Variants in BMP2K observed in about 807,000 individuals in gnomAD.
BMP2K encodes the protein BMP-2-inducible protein kinase.
In BMP2K, 74 loss-of-function variants were observed where a neutral mutation model predicts 116.0. That is an observed-to-expected ratio of 0.64 (90% CI 0.53 to 0.77). The LOEUF is 0.77. BMP2K is among the 30% of genes least tolerant of loss of function. BMP2K has a pLI of 0.00. For missense variants in BMP2K, 1,365 were observed against 1,403.6 expected (o/e 0.97, Z 0.44); for synonymous variants, 486 against 502.5 (o/e 0.97, Z 0.44).
chr4:78,858,927 G>A (rs1206675010), intron 7 of BMP2K, among the ~76,000 whole-genome samples: 1 of 151,786 alleles, frequency 6.6e-6, no homozygotes, highest in Non-Finnish European at 1.5e-5. Context: ...GGTCATTTTG[G>A]TAGAAAAAAG....
chr4:78,810,727 A>C (rs148367677), intron 1 of BMP2K, among the ~76,000 whole-genome samples: 1 of 152,192 alleles, frequency 6.6e-6, no homozygotes. Context: ...CTTGAAGGCT[A>C]TCATGGAGCT....
chr4:78,896,748 T>C (rs1733724545), intron 15 of BMP2K, among the ~76,000 whole-genome samples: 1 of 152,240 alleles, frequency 6.6e-6, no homozygotes, highest in African/African-American at 2.4e-5. Flanking sequence ...TATCACAATA[T>C]TTCTTTGCTG....
chr4:78,842,375 T>C lies in BMP2K; in HGVS notation c.404-10T>C. The C allele has an allele frequency of 1.3e-6, 2 of 1,574,566 alleles. No individual in the cohort carries two copies. The highest frequency in any genetic ancestry group is 1.2e-5 in the South Asian group (1 of 86,254). Reference sequence around the variant, plus strand: ...AAAATATGTCCTCTCAAAATTACTTTTTTGGTTAGCTGGACAGGTAGTGAA... The same window carrying C: ...AAAATATGTCCTCTCAAAATTACTTCTTTGGTTAGCTGGACAGGTAGTGAA... On this transcript the variant is annotated splice_polypyrimidine_tract_variant and intron_variant, in intron 3 of 15. Transcript: ENST00000502613.
chr4:78,871,845 TGTA>T lies in BMP2K; in HGVS notation c.1510-1_1511del, dbSNP rs747646501. The T allele has an allele frequency of 1.2e-6, 2 of 1,601,108 alleles. No individual in the cohort carries two copies. The highest frequency in any genetic ancestry group is 1.7e-6 in the Non-Finnish European group (2 of 1,171,548). ...ACATTTATTAATTTGATTTTCTCGTTGTAGTATCAACATGCAACACAGCAGCAA... is the reference window on the plus strand; with the variant it reads ...ACATTTATTAATTTGATTTTCTCGTTGTATCAACATGCAACACAGCAGCAA... On this transcript the variant is annotated splice_acceptor_variant and splice_polypyrimidine_tract_variant and intron_variant, in intron 11 of 15. Transcript: ENST00000502613. LOFTEE classifies it high-confidence loss of function.
chr4:78,861,962 T>C (rs1421143836), intron 9 of BMP2K, among the ~76,000 whole-genome samples: 2 of 151,970 alleles, frequency 1.3e-5, no homozygotes, highest in African/African-American at 2.4e-5. Flanking sequence ...TTTATTATAT[T>C]AATAATAAGT....
At chr4:78,829,783 T>TTCTTTTC (rs1553915832) in intron 2 of BMP2K, among the ~76,000 whole-genome samples, 2,381 of 110,460 alleles carry the variant, frequency 0.022, 55 homozygotes, top group South Asian at 0.04. Context: ...TTCTTTTCTT[T>TTCTTTTC]TCTTTTCTCT....
At chr4:78,842,587 G>C in intron 4 of BMP2K, 60 bp downstream of exon 4, 1 of 1,436,656 alleles carries the variant, frequency 7.0e-7, no homozygotes, top group Non-Finnish European at 9.3e-7. Context: ...TGTTCTTGGA[G>C]TATTTTCATC....
At chr4:78,870,650 T>C in intron 10 of BMP2K, 133 bp from the exon 11 acceptor site, 1 of 1,206,034 alleles carries the variant, frequency 8.3e-7, no homozygotes, top group Non-Finnish European at 1.1e-6. Context: ...ACTCTATGCA[T>C]ATGGAAGTTT....
At chr4:78,893,713 C>T (rs560332473) in intron 15 of BMP2K, among the ~76,000 whole-genome samples, 2 of 152,290 alleles carry the variant, frequency 1.3e-5, no homozygotes, top group African/African-American at 2.4e-5. Context: ...TAGGCATGCA[C>T]TACAACACCT....
At chr4:78,849,789 A>C (rs1560528139) in intron 6 of BMP2K, among the ~76,000 whole-genome samples, 1 of 151,756 alleles carries the variant, frequency 6.6e-6, no homozygotes, top group Non-Finnish European at 1.5e-5. Context: ...TGAAATTTTT[A>C]GAGCTTTTGA....
At chr4:78,816,352 A>G (rs576870531) in intron 1 of BMP2K, among the ~76,000 whole-genome samples, 5 of 152,262 alleles carry the variant, frequency 3.3e-5, no homozygotes, top group African/African-American at 1.2e-4. Context: ...TGGGTACTAT[A>G]TGAATATCCT....
At chr4:78,901,451 C>T (rs1734002825) in intron 15 of BMP2K, among the ~76,000 whole-genome samples, 1 of 152,118 alleles carries the variant, frequency 6.6e-6, no homozygotes, top group Non-Finnish European at 1.5e-5. Context: ...TGCTAGTTTT[C>T]TCTTAACTGC....
At chr4:78,802,780 A>G (rs370275794) in intron 1 of BMP2K, among the ~76,000 whole-genome samples, 13 of 151,540 alleles carry the variant, frequency 8.6e-5, no homozygotes, top group South Asian at 4.2e-4. Context: ...ATTATATTCT[A>G]TAGTCCTTTG....
intron 3 of BMP2K, among the ~76,000 whole-genome samples, chr4:78,837,362 T>C (rs1730538683): frequency 6.6e-6 from 1 of 152,032 alleles, no homozygotes; most frequent in East Asian, 1.9e-4. Context: ...ATCTGACTAA[T>C]TTTTGTAATT....
chr4:78,847,136 T>TG, intron 5 of BMP2K, 52 bp from the exon 6 acceptor site: 16 of 1,035,800 alleles, frequency 1.5e-5, no homozygotes, highest in South Asian at 3.2e-5. Flanking sequence ...TATCTGTCTT[T>TG]TTTTTATATA....
intron 2 of BMP2K, among the ~76,000 whole-genome samples, chr4:78,827,322 T>C (rs1729922865): frequency 6.6e-6 from 1 of 152,036 alleles, no homozygotes; most frequent in African/African-American, 2.4e-5. Flanking sequence ...TGTCTATTCC[T>C]CTCAAGACCT....
chr4:78,824,438 A>C (rs1257209903), intron 1 of BMP2K, among the ~76,000 whole-genome samples: 1 of 152,152 alleles, frequency 6.6e-6, no homozygotes, highest in Admixed American at 6.5e-5. Flanking sequence ...CAGGCAAGAG[A>C]GCTTATGCAG....
At chr4:78,842,656 G>A in intron 4 of BMP2K, 129 bp downstream of exon 4, 1 of 765,582 alleles carries the variant, frequency 1.3e-6, no homozygotes, top group Non-Finnish European at 1.9e-6. Flanking sequence ...TACATTTCCT[G>A]AGGTCATGTA....
At chr4:78,833,511 C>T (rs545629516) in intron 2 of BMP2K, 71 bp from the exon 3 acceptor site, 1 of 1,006,528 alleles carries the variant, frequency 9.9e-7, no homozygotes, top group Non-Finnish European at 1.5e-6. Context: ...TTAATTTAGG[C>T]TTCAAACCAT....
Sources: allele counts gnomAD v4.1 joint callset (sites outside exome capture counted in the v4.1 genomes callset), GRCh38; gene constraint gnomAD v4.1.1; transcripts MANE v1.5; gene names NCBI Gene and HGNC (gene_info 2026-07-23, HGNC 2026-07-21).